Variants in CDKL4 observed in about 807,000 individuals in gnomAD.
CDKL4 encodes the protein cyclin dependent kinase like 4, also known as cyclin-dependent kinase-like 4.
Under a neutral mutation model 42.0 loss-of-function variants are expected in CDKL4, and 44 were observed. That is an observed-to-expected ratio of 1.05 (90% CI 0.82 to 1.35). The LOEUF is 1.35. Among genes scored for constraint, CDKL4 ranks in the 40% most tolerant of loss-of-function variants. CDKL4 has a pLI of 0.00. For missense variants in CDKL4, 393 were observed against 369.9 expected (o/e 1.06, Z -0.51); for synonymous variants, 120 against 121.6 (o/e 0.99, Z 0.09).
chr2:39,199,986 A>G (rs567964714), intron 5 of CDKL4, among the ~76,000 whole-genome samples: 12 of 152,308 alleles, frequency 7.9e-5, no homozygotes, highest in Non-Finnish European at 1.5e-4. Context: ...AGTCCTAGCT[A>G]GAGCAATCAG....
intron 4 of CDKL4, among the ~76,000 whole-genome samples, chr2:39,205,687 G>A (rs930284842): frequency 1.4e-5 from 2 of 146,686 alleles, no homozygotes; most frequent in African/African-American, 2.5e-5. Flanking sequence ...GGGAACCCGG[G>A]AGGCAGAGCT....
chr2:39,186,306 G>C (rs569515307), intron 7 of CDKL4, among the ~76,000 whole-genome samples: 1 of 152,250 alleles, frequency 6.6e-6, no homozygotes, highest in Admixed American at 6.5e-5. Context: ...AGATGGTTGG[G>C]ACCATTTGGA....
At chr2:39,209,524 C>A (rs1219317809) in intron 4 of CDKL4, among the ~76,000 whole-genome samples, 1 of 152,180 alleles carries the variant, frequency 6.6e-6, no homozygotes, top group Non-Finnish European at 1.5e-5. Context: ...TTAATGTGCA[C>A]ATGAATCACC....
chr2:39,228,814 T>A (rs1475193487), intron 2 of CDKL4, among the ~76,000 whole-genome samples: 1 of 152,272 alleles, frequency 6.6e-6, no homozygotes, highest in Non-Finnish European at 1.5e-5. Context: ...AGAAAAAATT[T>A]ACATTGAGAA....
At chr2:39,175,603 C>A (rs1005753962), downstream of CDKL4, 2 of 164,812 alleles carry the variant, frequency 1.2e-5, no homozygotes, top group Admixed American at 5.7e-5. Flanking sequence ...ATTTCTTACA[C>A]AAACAGTGAG....
chr2:39,208,339 T>C (rs934946970), intron 4 of CDKL4, among the ~76,000 whole-genome samples: 1 of 151,552 alleles, frequency 6.6e-6, no homozygotes, highest in African/African-American at 2.4e-5. Flanking sequence ...TTGAGTTTTA[T>C]ACACAGCTTT....
intron 5 of CDKL4, among the ~76,000 whole-genome samples, chr2:39,193,830 T>C (rs1676346043): frequency 6.6e-6 from 1 of 152,126 alleles, no homozygotes; most frequent in Non-Finnish European, 1.5e-5. Context: ...TGTGCAGCTA[T>C]GTGTTCTTTT....
intron 7 of CDKL4, among the ~76,000 whole-genome samples, chr2:39,186,983 G>T (rs564922912): frequency 1.4e-4 from 22 of 152,134 alleles, no homozygotes; most frequent in Admixed American, 3.3e-4. Flanking sequence ...TCTTCAATAT[G>T]TGTGATATGG....
At chr2:39,192,407 C>T (rs371290736) in intron 5 of CDKL4, among the ~76,000 whole-genome samples, 7 of 152,142 alleles carry the variant, frequency 4.6e-5, no homozygotes, top group African/African-American at 1.2e-4. Context: ...GTCCCCCAGG[C>T]TAAAATGCAG....
At chr2:39,193,142 A>C (rs1249616933) in intron 5 of CDKL4, among the ~76,000 whole-genome samples, 1 of 150,156 alleles carries the variant, frequency 6.7e-6, no homozygotes, top group Non-Finnish European at 1.5e-5. Flanking sequence ...AAAAAAAAAA[A>C]AAAAAAAGGA....
chr2:39,244,242 G>A (rs1319551554), upstream of CDKL4, among the ~76,000 whole-genome samples: 2 of 152,248 alleles, frequency 1.3e-5, no homozygotes, highest in Admixed American at 6.5e-5. Flanking sequence ...CAAGGCCGGA[G>A]CCCACTCCCT....
intron 5 of CDKL4, among the ~76,000 whole-genome samples, chr2:39,197,235 C>T (rs1042017959): frequency 1.1e-4 from 17 of 152,072 alleles, no homozygotes; most frequent in Non-Finnish European, 1.6e-4. Context: ...AGAACTTCAG[C>T]GCTTGAAGAC....
At chr2:39,239,959 G>A (rs1047875470) in intron 1 of CDKL4, among the ~76,000 whole-genome samples, 92 of 151,372 alleles carry the variant, frequency 6.1e-4, no homozygotes, top group Admixed American at 3.9e-3. Flanking sequence ...GCATGGTGGC[G>A]CACACTTGTA....
At chr2:39,177,446 C>T (rs1050250477) in intron 9 of CDKL4, among the ~76,000 whole-genome samples, 1 of 150,960 alleles carries the variant, frequency 6.6e-6, no homozygotes, top group Non-Finnish European at 1.5e-5. Flanking sequence ...CTCTTGTCGC[C>T]CAGGCTGGAG....
At chr2:39,170,061 G>A in the CDKL4 span, among the ~76,000 whole-genome samples, 1 of 151,918 alleles carries the variant, frequency 6.6e-6, no homozygotes, top group Non-Finnish European at 1.5e-5. Flanking sequence ...ACAGAGTTTT[G>A]ACATGTTGCC....
Position 39,175,875 on chromosome 2 carries a change from A to G in CDKL4, c.*120T>C, listed in dbSNP as rs542943330. 156 of 377,316 alleles carry G rather than the reference A, an allele frequency of 4.1e-4. 4 individuals are homozygous for G. The highest frequency in any genetic ancestry group is 3.1e-3 in the South Asian group (148 of 47,824). The allele number at this position is 377,316 out of a possible 1,614,324, so 23.4% of individuals were successfully genotyped here. ...AATCAGCAATGATCAGAGCAAAACA[A>G]TTCTAGAAGGCATCTTAATTTTCAT... On this transcript the variant is annotated 3_prime_UTR_variant, in exon 10 of 10. Coordinates refer to ENST00000451199, the Ensembl canonical transcript of CDKL4.
At chr2:39,212,435 G>A (rs563450121) in intron 4 of CDKL4, among the ~76,000 whole-genome samples, 2 of 151,398 alleles carry the variant, frequency 1.3e-5, no homozygotes, top group African/African-American at 2.4e-5. Flanking sequence ...GGGTTTCACC[G>A]TGTTGGCCAG....
chr2:39,240,953 A>C (rs1469933023), intron 1 of CDKL4, among the ~76,000 whole-genome samples: 1 of 152,222 alleles, frequency 6.6e-6, no homozygotes, highest in South Asian at 2.1e-4. Context: ...TGTCAACGTC[A>C]TGAAAGAAAA....
upstream of CDKL4, among the ~76,000 whole-genome samples, chr2:39,246,710 C>T (rs1384245918): frequency 6.6e-6 from 1 of 151,956 alleles, no homozygotes. Context: ...GTTTACAAAT[C>T]TTACTACACA....
Sources: gnomAD v4.1 joint callset for allele counts (sites outside exome capture counted in the v4.1 genomes callset) on GRCh38, gnomAD v4.1.1 for gene constraint, MANE v1.5 for transcripts, NCBI Gene and HGNC (gene_info 2026-07-23, HGNC 2026-07-21) for gene names.